The following GRIK2 variants were observed in gnomAD, a reference collection of about 807,000 sequenced individuals.
GRIK2 encodes the protein glutamate ionotropic receptor kainate type subunit 2, also known as glutamate receptor ionotropic, kainate 2.
A neutral mutation model predicts 100.3 loss-of-function variants in GRIK2; 32 were observed. The ratio of observed to expected loss-of-function variants is 0.32; its 90% CI spans 0.24 to 0.43. The LOEUF is 0.43. Ranked by LOEUF, GRIK2 falls within the 20% of genes least tolerant of loss-of-function variation. GRIK2 has a pLI of 1.00. For synonymous variants in GRIK2, 417 were observed against 389.4 expected (o/e 1.07, Z -0.83); for missense variants, 843 against 1,114.9 (o/e 0.76, Z 3.47).
chr6:101,896,982 C>G (rs1464191774), intron 12 of GRIK2, among the ~76,000 whole-genome samples: 1 of 142,322 alleles, frequency 7.0e-6, no homozygotes, highest in Non-Finnish European at 1.5e-5. Context: ...CTTTATGGAA[C>G]ATGTCATTGT....
chr6:101,979,981 G>A (rs1308958653), intron 14 of GRIK2, among the ~76,000 whole-genome samples: 1 of 151,946 alleles, frequency 6.6e-6, no homozygotes, highest in East Asian at 1.9e-4. Flanking sequence ...GCATTTGGCA[G>A]GAAAGTATGT....
At chr6:101,772,447 G>A (rs750111299) in intron 7 of GRIK2, among the ~76,000 whole-genome samples, 1 of 152,078 alleles carries the variant, frequency 6.6e-6, no homozygotes, top group Non-Finnish European at 1.5e-5. Context: ...TGAGTTACTA[G>A]GACCATACTC....
At chr6:101,914,611 C>G (rs183535567) in intron 12 of GRIK2, among the ~76,000 whole-genome samples, 1 of 151,410 alleles carries the variant, frequency 6.6e-6, no homozygotes, top group East Asian at 2.0e-4. Context: ...CTGATCCTGA[C>G]AATGTGTTGC....
At chr6:102,040,544 T>C (rs551236094) in intron 15 of GRIK2, among the ~76,000 whole-genome samples, 27 of 151,774 alleles carry the variant, frequency 1.8e-4, no homozygotes, top group African/African-American at 5.5e-4. Flanking sequence ...TGTTTTCTAA[T>C]GTTAAATGCT....
intron 13 of GRIK2, chr6:101,927,251 C>T: frequency 3.5e-6 from 1 of 286,216 alleles, no homozygotes; most frequent in Non-Finnish European, 5.2e-6. Context: ...ATTTTTCAAG[C>T]TTCACATGAA....
chr6:101,596,700 G>GT (rs898969824), intron 2 of GRIK2, among the ~76,000 whole-genome samples: 37 of 151,628 alleles, frequency 2.4e-4, no homozygotes, highest in African/African-American at 8.7e-4. Flanking sequence ...TAGAGGCAAT[G>GT]TTTTAACTGC....
chr6:101,537,455 CGTGTGTGTGT>C (rs559277470), intron 2 of GRIK2, among the ~76,000 whole-genome samples: 15 of 130,602 alleles, frequency 1.1e-4, no homozygotes, highest in Admixed American at 2.4e-4. Flanking sequence ...TGTGTGTGTG[CGTGTGTGTGT>C]GTGTGTGTGT....
At chr6:101,439,449 A>G (rs1288570382) in intron 2 of GRIK2, among the ~76,000 whole-genome samples, 7 of 152,072 alleles carry the variant, frequency 4.6e-5, no homozygotes, top group Non-Finnish European at 4.4e-5. Flanking sequence ...CCTCACAACA[A>G]CCCTATGAGA....
intron 7 of GRIK2, chr6:101,744,943 T>G (rs928911492): frequency 6.6e-6 from 1 of 152,106 alleles, no homozygotes; most frequent in African/African-American, 2.4e-5. Context: ...TGTTTGCAAC[T>G]GCAAATTGTG....
intron 14 of GRIK2, among the ~76,000 whole-genome samples, chr6:101,948,314 C>CT (rs1009665289): frequency 1.4e-3 from 200 of 143,940 alleles, no homozygotes; most frequent in Non-Finnish European, 2.2e-3. Context: ...TTAGAACTGT[C>CT]TTTTTTTTTT....
At chr6:101,597,079 G>T (rs1011330912) in intron 2 of GRIK2, among the ~76,000 whole-genome samples, 1 of 151,954 alleles carries the variant, frequency 6.6e-6, no homozygotes, top group Admixed American at 6.6e-5. Flanking sequence ...ACAAAATTAT[G>T]TCCTTTGCAG....
intron 7 of GRIK2, among the ~76,000 whole-genome samples, chr6:101,791,259 G>A (rs1434888110): frequency 1.3e-5 from 2 of 152,044 alleles, no homozygotes; most frequent in Admixed American, 6.6e-5. Flanking sequence ...GCTTTTGAAT[G>A]TGTTTGCTCT....
At chr6:101,541,410 ACACACACATACACACACACT>A (rs746969201) in intron 2 of GRIK2, among the ~76,000 whole-genome samples, 13,290 of 133,100 alleles carry the variant, frequency 0.1, 764 homozygotes, top group South Asian at 0.16. Context: ...ACACACACAC[ACACACACATACACACACACT>A]ACACCCTTAT....
intron 10 of GRIK2, 64 bp downstream of exon 10, chr6:101,818,547 G>A (rs1781771487): frequency 2.3e-6 from 2 of 877,270 alleles, no homozygotes; most frequent in African/African-American, 1.7e-5. Context: ...GCATAGAAAA[G>A]GACATTATAA....
At chr6:102,027,398 G>T (rs9498806) in intron 14 of GRIK2, among the ~76,000 whole-genome samples, 32,301 of 151,000 alleles carry the variant, frequency 0.21, 3,593 homozygotes, top group Middle Eastern at 0.3. Context: ...AAGAGAAATA[G>T]AATTTGTTAA....
At chr6:101,734,501 C>T (rs2128373264) in intron 7 of GRIK2, among the ~76,000 whole-genome samples, 1 of 152,240 alleles carries the variant, frequency 6.6e-6, no homozygotes, top group Non-Finnish European at 1.5e-5. Context: ...TTACTCAGTC[C>T]ACTAATTCAA....
intron 7 of GRIK2, among the ~76,000 whole-genome samples, chr6:101,692,955 CAG>C (rs1208842014): frequency 6.6e-6 from 1 of 152,032 alleles, no homozygotes; most frequent in Admixed American, 6.6e-5. Flanking sequence ...ATGTGAATAA[CAG>C]AATGGCACTA....
chr6:101,444,714 C>G (rs1016397331), intron 2 of GRIK2, among the ~76,000 whole-genome samples: 1 of 152,106 alleles, frequency 6.6e-6, no homozygotes, highest in Admixed American at 6.6e-5. Flanking sequence ...AAAAGACTCA[C>G]ATGGTTGATG....
At chr6:101,627,718 G>A (rs1205646409) in intron 4 of GRIK2, among the ~76,000 whole-genome samples, 1 of 151,630 alleles carries the variant, frequency 6.6e-6, no homozygotes, top group East Asian at 1.9e-4. Context: ...ATGTCATTTA[G>A]AGACTTAGAA....
Sources: gnomAD v4.1 joint callset for allele counts (sites outside exome capture counted in the v4.1 genomes callset) on GRCh38, gnomAD v4.1.1 for gene constraint, MANE v1.5 for transcripts, NCBI Gene and HGNC (gene_info 2026-07-23, HGNC 2026-07-21) for gene names.